The following ARHGEF11 variants were observed in gnomAD, a reference collection of about 807,000 sequenced individuals.
The protein encoded by ARHGEF11 is Rho guanine exchange factor (GEF) 11.
In ARHGEF11, 55 loss-of-function variants were observed where a neutral mutation model predicts 193.7. The ratio of observed to expected loss-of-function variants is 0.28; its 90% CI spans 0.23 to 0.36. The LOEUF is 0.36. Among genes scored for constraint, ARHGEF11 ranks in the 10% least tolerant of loss-of-function variants. The pLI, the probability that ARHGEF11 is intolerant of heterozygous loss-of-function variation, is 1.00. For missense variants in ARHGEF11, 1,723 were observed against 2,005.6 expected (o/e 0.86, Z 2.69); for synonymous variants, 693 against 768.0 (o/e 0.90, Z 1.62).
chr1:157,046,618 ATAG>A (rs1023547459), upstream of ARHGEF11, among the ~76,000 whole-genome samples: 1 of 136,548 alleles, frequency 7.3e-6, no homozygotes, highest in Non-Finnish European at 1.7e-5. Flanking sequence ...GGGCATCTTA[ATAG>A]CAGGCTGTGT....
At chr1:156,941,082 C>T (rs74116931) in intron 35 of ARHGEF11, among the ~76,000 whole-genome samples, 6 of 148,156 alleles carry the variant, frequency 4.0e-5, no homozygotes, top group Admixed American at 1.3e-4. Context: ...ATGCAGGGCC[C>T]GTGGATCCCG....
At chr1:156,984,472 T>C (rs776483324) in intron 2 of ARHGEF11, 35 bp from the exon 3 acceptor site, 3 of 1,526,278 alleles carry the variant, frequency 2.0e-6, no homozygotes, top group Non-Finnish European at 2.7e-6. Context: ...GTACGCAGTG[T>C]CACTGGGAGG....
At chr1:157,006,813 G>T (rs776377036) in intron 1 of ARHGEF11, among the ~76,000 whole-genome samples, 7 of 152,200 alleles carry the variant, frequency 4.6e-5, no homozygotes, top group Non-Finnish European at 1.5e-5. Flanking sequence ...AATACACTAA[G>T]TGTAATGTGC....
At chr1:156,996,556 G>A (rs1020995834) in intron 1 of ARHGEF11, among the ~76,000 whole-genome samples, 2 of 151,874 alleles carry the variant, frequency 1.3e-5, no homozygotes, top group East Asian at 2.0e-4. Context: ...GGCGGATCAC[G>A]AGGTCAGGAG....
rs373974107 is a variant in ARHGEF11, at chr1:156,969,170, G to A, written c.825+112C>T. 1.7e-5 allele frequency: 14 copies of A among 842,064 alleles called. No individual in the cohort carries two copies. The African/African-American group carries it at 2.1e-4, about 12-fold the overall frequency. 52.2% of individuals were successfully genotyped at this position (842,064 alleles called of 1,614,324 possible). On this transcript the variant is annotated intron_variant, in intron 10 of 40. Coordinates refer to ENST00000368194, the MANE Select transcript of ARHGEF11 (RefSeq NM_198236.3). ...GTGATTATATCCTTGGAACTAGAAC[G>A]ATGGAAGAGGCACACAGAGGCCTCA... is the stretch of plus-strand genomic sequence containing the variant.
At chr1:156,963,098 C>T in intron 13 of ARHGEF11, 105 bp downstream of exon 13, 3 of 837,432 alleles carry the variant, frequency 3.6e-6, no homozygotes, top group Non-Finnish European at 5.9e-6. Flanking sequence ...CCTGACTGTG[C>T]CCATGGATCT....
chr1:157,035,099 T>C (rs1261660350), intron 1 of ARHGEF11, among the ~76,000 whole-genome samples: 1 of 152,106 alleles, frequency 6.6e-6, no homozygotes, highest in Non-Finnish European at 1.5e-5. Context: ...AAAGAAGTCA[T>C]GAATCCCAAG....
At position 157,018,928 on chromosome 1, in the gene ARHGEF11, AAAC is replaced by A. The variant is rs1435318623; in HGVS notation, c.32+25368_32+25370del. Among the ~76,000 whole-genome samples, 8 of 152,334 alleles carry A rather than the reference AAAC, an allele frequency of 5.3e-5. No homozygotes were observed. The South Asian group carries it at 1.7e-3, about 32-fold the overall frequency. On this transcript the variant is annotated intron_variant, in intron 1 of 40. Transcript: ENST00000368194. ...AGAACAACTGGACCTCATATGCAAA[AAAC>A]AGTAATAAATTAACCTCAACTCTTC...
In ARHGEF11 at chr1:156,939,656, G is replaced by T. The variant is rs748302129; in HGVS notation, c.3988C>A (p.Pro1330Thr). The change falls in exon 37 of 41, where the codon CCA (proline) becomes ACA (threonine). Residue 1330 changes from proline to threonine, a missense_variant. By Grantham distance (38) the Pro-to-Thr change is conservative. Around this residue, in one of 5 missense-constraint regions of ARHGEF11, gnomAD observed 360 missense variants for 344.4 expected, o/e 1.05. Transcript: ENST00000368194. ...CATATCCCAGAATTTCTGGTCCTTG[G>T]GGGTAGGTGTTCCAGAGAACAGAGA... ...MGLCSLEHLP[P>T]RTRNSGIWES... 3 of 1,613,914 alleles carry T rather than the reference G, an allele frequency of 1.9e-6. No individual in the cohort carries two copies. Among genetic ancestry groups the T allele is most frequent in the East Asian group, 2.2e-5 (1 of 44,880 alleles).
At chr1:156,987,231 T>G (rs974083558) in intron 1 of ARHGEF11, among the ~76,000 whole-genome samples, 5 of 152,230 alleles carry the variant, frequency 3.3e-5, no homozygotes, top group Admixed American at 2.6e-4. Context: ...ATGGAAGCAC[T>G]GTGTGTGATG....
At chr1:156,936,345 G>T (rs1419289517) in intron 40 of ARHGEF11, 1 of 529,136 alleles carries the variant, frequency 1.9e-6, no homozygotes, top group Non-Finnish European at 3.7e-6. Context: ...ATCAGCACGA[G>T]TCTTAGGCCG....
At chr1:157,014,029 G>A (rs1028046144) in intron 1 of ARHGEF11, among the ~76,000 whole-genome samples, 2 of 152,190 alleles carry the variant, frequency 1.3e-5, no homozygotes, top group African/African-American at 2.4e-5. Flanking sequence ...ACACTGCTGT[G>A]TGATCTAACA....
At chr1:156,994,318 T>C (rs145330653) in intron 1 of ARHGEF11, among the ~76,000 whole-genome samples, 36 of 151,830 alleles carry the variant, frequency 2.4e-4, no homozygotes, top group African/African-American at 8.7e-4. Flanking sequence ...CCAGGGCTGA[T>C]GTGAGGGCAA....
At chr1:156,956,321 GCC>G in intron 19 of ARHGEF11, 97 bp downstream of exon 19, 4 of 1,266,064 alleles carry the variant, frequency 3.2e-6, no homozygotes, top group Non-Finnish European at 3.4e-6. Context: ...TCACCATGTT[GCC>G]CAGGCTGGTC....
chr1:156,944,539 A>T (rs1409229755), intron 30 of ARHGEF11, 106 bp from the exon 31 acceptor site: 2 of 1,252,710 alleles, frequency 1.6e-6, no homozygotes, highest in African/African-American at 3.0e-5. Flanking sequence ...GGAATTGGTA[A>T]ATAAGAAAAA....
intron 1 of ARHGEF11, among the ~76,000 whole-genome samples, chr1:157,006,045 T>C (rs1022650916): frequency 6.6e-6 from 1 of 152,232 alleles, no homozygotes; most frequent in Admixed American, 6.5e-5. Context: ...AAACATTCAC[T>C]GTAAAATATA....
chr1:156,962,704 C>T (rs1226189130), intron 13 of ARHGEF11, among the ~76,000 whole-genome samples: 1 of 151,676 alleles, frequency 6.6e-6, no homozygotes, highest in Admixed American at 6.6e-5. Flanking sequence ...CGGTGAAACC[C>T]CGTCTCTACT....
intron 3 of ARHGEF11, among the ~76,000 whole-genome samples, chr1:156,980,904 A>C (rs2102420111): frequency 6.6e-6 from 1 of 151,866 alleles, no homozygotes; most frequent in East Asian, 1.9e-4. Context: ...AGAAATTCAG[A>C]GAAAAGGATT....
Position 156,939,741 on chromosome 1 carries a change from T to C in ARHGEF11, c.3903A>G (p.Glu1301=), listed in dbSNP as rs752977682. ...GCCCTGCAAGCTGGGTGTTGTCCCCTTCACCCCCAGGGGGTGCTTGCCCTG... is the reference window on the plus strand; with the variant it reads ...GCCCTGCAAGCTGGGTGTTGTCCCCCTCACCCCCAGGGGGTGCTTGCCCTG... ...GSPGQAPPGG[E]GDNTQLAGLE... Residue 1301 remains glutamate (E), a synonymous_variant, in exon 37 of 41, where the codon GAA becomes GAG. Transcript: ENST00000368194. 1.2e-6 allele frequency: 2 copies of C among 1,613,998 alleles called. No homozygotes were observed. Among genetic ancestry groups the C allele is most frequent in the Admixed American group, 1.7e-5 (1 of 60,008 alleles).
Sources: allele counts gnomAD v4.1 joint callset (sites outside exome capture counted in the v4.1 genomes callset), GRCh38; gene constraint gnomAD v4.1.1; regional missense constraint gnomAD v4.1.1; transcripts MANE v1.5; gene names NCBI Gene and HGNC (gene_info 2026-07-23, HGNC 2026-07-21).